Variants in RASAL2 observed in about 807,000 individuals in gnomAD.
RASAL2 encodes the protein RAS protein activator like 2, also known as ras GTPase-activating protein nGAP.
RASAL2 carries 58 observed loss-of-function variants against 128.9 expected under a neutral mutation model. The ratio of observed to expected loss-of-function variants is 0.45; its 90% confidence interval spans 0.36 to 0.56. RASAL2 has a LOEUF of 0.56. Ranked by LOEUF, RASAL2 falls within the 20% of genes least tolerant of loss-of-function variation. The pLI, the probability that RASAL2 is intolerant of heterozygous loss-of-function variation, is 0.00. For synonymous variants in RASAL2, 561 were observed against 580.8 expected, an observed-to-expected ratio of 0.97 and a Z score of 0.49; for missense variants, 1,360 against 1,601.6, an observed-to-expected ratio of 0.85 and a Z score of 2.57.
chr1:178,346,755 C>A (rs562749315), intron 3 of RASAL2, among the ~76,000 whole-genome samples: 1 of 152,232 alleles, frequency 6.6e-6, no homozygotes, highest in East Asian at 1.9e-4. Flanking sequence ...ATGGTATAGA[C>A]CATTTTTATT....
intron 2 of RASAL2, among the ~76,000 whole-genome samples, chr1:178,296,513 C>T (rs1337529837): frequency 6.6e-6 from 1 of 151,836 alleles, no homozygotes; most frequent in Non-Finnish European, 1.5e-5. Flanking sequence ...GTGCATGCCA[C>T]TACAACTGGC....
At chr1:178,219,848 T>C (rs990792968) in intron 1 of RASAL2, among the ~76,000 whole-genome samples, 2 of 152,088 alleles carry the variant, frequency 1.3e-5, no homozygotes, top group Non-Finnish European at 2.9e-5. Context: ...TTTGGATGTT[T>C]CATCCCCTCC....
intron 2 of RASAL2, among the ~76,000 whole-genome samples, chr1:178,289,801 C>A (rs531959055): frequency 1.5e-4 from 23 of 152,208 alleles, no homozygotes; most frequent in Non-Finnish European, 2.5e-4. Context: ...GCTTCCCCAA[C>A]GTGCTACTTT....
At chr1:178,367,214 C>CT (rs1671449986) in intron 3 of RASAL2, among the ~76,000 whole-genome samples, 1 of 152,156 alleles carries the variant, frequency 6.6e-6, no homozygotes, top group African/African-American at 2.4e-5. Flanking sequence ...TCTCCTTTTA[C>CT]TTTTTCCCTC....
rs1339074779 is a variant in RASAL2 at position 178,401,859 on chromosome 1, A to C, written c.564+11653A>C. On this transcript the variant is annotated intron_variant, in intron 4 of 17. Transcript: ENST00000367649. Reference sequence around the variant, plus strand: ...AAGGCCCTGAGCTTTTCTGATCATAAGATTTAGGGCCCGCGTCACCCTGTC... The same window carrying C: ...AAGGCCCTGAGCTTTTCTGATCATACGATTTAGGGCCCGCGTCACCCTGTC... 3.3e-5 allele frequency among the ~76,000 whole-genome samples: 5 copies of C among 152,270 alleles called. No homozygotes were observed. The East Asian group carries it at 9.6e-4, about 29-fold the overall frequency.
intron 3 of RASAL2, among the ~76,000 whole-genome samples, chr1:178,387,060 T>C (rs978629366): frequency 2.6e-5 from 4 of 152,126 alleles, no homozygotes; most frequent in African/African-American, 7.2e-5. Context: ...GTACTTGGGG[T>C]ATTTATTTTT....
chr1:178,283,382 A>G (rs192036049), intron 1 of RASAL2, among the ~76,000 whole-genome samples, 182 bp from the exon 2 acceptor site: 13 of 152,098 alleles, frequency 8.5e-5, no homozygotes, highest in Non-Finnish European at 1.5e-4. Flanking sequence ...TCATAGGGCT[A>G]TTTTTTCCTT....
intron 17 of RASAL2, chr1:178,470,648 C>T (rs749427393): frequency 4.3e-5 from 58 of 1,344,950 alleles, no homozygotes; most frequent in Non-Finnish European, 5.4e-5. Flanking sequence ...AAAGCAGCTG[C>T]CTAGTTACTG....
chr1:178,107,524 AATG>A (rs1659138783), intron 1 of RASAL2, among the ~76,000 whole-genome samples: 1 of 152,170 alleles, frequency 6.6e-6, no homozygotes, highest in African/African-American at 2.4e-5. Flanking sequence ...TATACAATTT[AATG>A]ATATTAAATA....
At chr1:178,470,459 A>AC (rs1648142566) in intron 17 of RASAL2, among the ~76,000 whole-genome samples, 1 of 152,178 alleles carries the variant, frequency 6.6e-6, no homozygotes, top group Non-Finnish European at 1.5e-5. Context: ...CCTATCCTGG[A>AC]CCTTGTAGCT....
chr1:178,456,721 G>A lies in RASAL2; in HGVS notation c.2212G>A (p.Ala738Thr). ...LWEVVSQLDKATVAKLGPLPR... is the reference protein window; with the variant it reads ...LWEVVSQLDKTTVAKLGPLPR... The stretch of plus-strand genomic sequence containing the variant: ...TTAGGGTGAAAATTCCTTCCTACAG[G>A]CGACCGTGGCAAAATTGGGGCCTCT... Residue 738 changes from alanine to threonine, a missense_variant and splice_region_variant, in exon 13 of 18, where the codon GCG becomes ACG. By Grantham distance (58) the Ala-to-Thr change is moderately conservative. Transcript: ENST00000367649. The A allele has an allele frequency of 6.2e-7, 1 of 1,614,010 alleles. No homozygotes were observed. Among genetic ancestry groups the A allele is most frequent in the Non-Finnish European group, 8.5e-7 (1 of 1,179,964 alleles).
rs77592398 is a variant in RASAL2 at position 178,173,517 on chromosome 1, C to T, written c.202+78823C>T. 2.0e-3 allele frequency among the ~76,000 whole-genome samples: 297 copies of T among 152,150 alleles called. 8 individuals are homozygous for T. In the East Asian group the frequency reaches 0.054, roughly 28 times the overall value. On this transcript the variant is annotated intron_variant, in intron 1 of 17. Transcript: ENST00000367649. ...GGTGTTTGGGTATTCCCTGAAATTA[C>T]ACATTTCGTATGTATGTTCTTGGGT...
intron 1 of RASAL2, among the ~76,000 whole-genome samples, chr1:178,211,983 C>T (rs911871103): frequency 1.3e-5 from 2 of 152,120 alleles, no homozygotes; most frequent in African/African-American, 4.8e-5. Context: ...AGTTGAGGTC[C>T]CTGAATGAAT....
chr1:178,096,464 T>TTGTG (rs57531713), intron 1 of RASAL2, among the ~76,000 whole-genome samples: 14,274 of 148,352 alleles, frequency 0.096, 813 homozygotes, highest in Middle Eastern at 0.17. Flanking sequence ...ATTGTATATT[T>TTGTG]TGTGTGTGTG....
intron 1 of RASAL2, among the ~76,000 whole-genome samples, chr1:178,185,507 AT>A (rs754934001): frequency 0.023 from 3,274 of 145,320 alleles, 97 homozygotes; most frequent in African/African-American, 0.071. Flanking sequence ...GGTTTTTTAA[AT>A]TTTTTTTTTT....
rs944169265 is a variant in RASAL2 at position 178,273,768 on chromosome 1, C to T, written c.203-9796C>T. 1.8e-4 allele frequency among the ~76,000 whole-genome samples: 27 copies of T among 151,978 alleles called. 1 individual carries two copies. The highest frequency in any genetic ancestry group is 1.6e-3 in the Admixed American group (25 of 15,254). On this transcript the variant is annotated intron_variant, in intron 1 of 17. Coordinates refer to ENST00000367649, the MANE Select transcript of RASAL2 (RefSeq NM_170692.4). ...GGGATGTTTTTCTATTTGTGTTGGC[C>T]GTATTAAAGAGAAAAACTAAATGCT...
chr1:178,442,711 T>A lies in RASAL2; in HGVS notation c.964T>A (p.Trp322Arg). 1 of 1,612,924 alleles carries A rather than the reference T, an allele frequency of 6.2e-7. No individual in the cohort carries two copies. Among genetic ancestry groups the A allele is most frequent in the Non-Finnish European group, 8.5e-7 (1 of 1,179,486 alleles). ...GCGAGCTGAAAATGTTCTTCGTTTATGGATCATTGAAGCCAAGGACCTTGC... is the reference window on the plus strand; with the variant it reads ...GCGAGCTGAAAATGTTCTTCGTTTAAGGATCATTGAAGCCAAGGACCTTGC... ...CRRAENVLRLWIIEAKDLAPK... is the reference protein window; with the variant it reads ...CRRAENVLRLRIIEAKDLAPK... The change falls in exon 8 of 18, where the codon TGG becomes AGG. Residue 322 changes from tryptophan to arginine, a missense_variant. By Grantham distance (101) the Trp-to-Arg change is moderately radical. Transcript: ENST00000367649.
intron 1 of RASAL2, among the ~76,000 whole-genome samples, chr1:178,101,240 C>T (rs1043482214): frequency 6.6e-6 from 1 of 152,158 alleles, no homozygotes; most frequent in Non-Finnish European, 1.5e-5. Context: ...AAAAACATTT[C>T]ATTTGCTAGA....
chr1:178,143,612 T>C (rs898670423), intron 1 of RASAL2, among the ~76,000 whole-genome samples: 8 of 152,082 alleles, frequency 5.3e-5, no homozygotes, highest in Non-Finnish European at 8.8e-5. Context: ...GAACCAAATA[T>C]ATGGTTCTAC....
Sources: gnomAD v4.1 joint callset for allele counts (sites outside exome capture counted in the v4.1 genomes callset) on GRCh38, gnomAD v4.1.1 for gene constraint, MANE v1.5 for transcripts, NCBI Gene and HGNC (gene_info 2026-07-23, HGNC 2026-07-21) for gene names.